The following ZNF215 variants were observed in gnomAD, a reference collection of about 807,000 sequenced individuals.
The protein encoded by ZNF215 is BWSCR2-associated zinc finger protein 2.
ZNF215 carries 24 observed loss-of-function variants against 27.2 expected under a neutral mutation model. That is an observed-to-expected ratio of 0.88 (90% CI 0.64 to 1.24). ZNF215 has a LOEUF of 1.24. ZNF215 is among the 50% of genes most tolerant of loss of function. The pLI is 0.00. For synonymous variants in ZNF215, 210 were observed against 204.0 expected (o/e 1.03, Z -0.25); for missense variants, 675 against 605.7 (o/e 1.11, Z -1.20).
At chr11:6,980,425 A>G (rs1850923829) in intron 5 of ZNF215, among the ~76,000 whole-genome samples, 1 of 152,082 alleles carries the variant, frequency 6.6e-6, no homozygotes, top group African/African-American at 2.4e-5. Flanking sequence ...ATCGTTTAAA[A>G]TACTTCAAAG....
chr11:6,953,963 C>T (rs1454632048), intron 6 of ZNF215, among the ~76,000 whole-genome samples: 1 of 152,160 alleles, frequency 6.6e-6, no homozygotes, highest in South Asian at 2.1e-4. Flanking sequence ...AGACAGGACC[C>T]TCAGCTGCAG....
At chr11:6,954,229 C>A (rs1389601764) in intron 6 of ZNF215, among the ~76,000 whole-genome samples, 1 of 152,212 alleles carries the variant, frequency 6.6e-6, no homozygotes, top group African/African-American at 2.4e-5. Context: ...TCTCAGATCT[C>A]CAGCTGCGTG....
At chr11:6,972,766 TA>T (rs963112094) in intron 5 of ZNF215, among the ~76,000 whole-genome samples, 7 of 152,306 alleles carry the variant, frequency 4.6e-5, no homozygotes, top group Non-Finnish European at 1.0e-4. Context: ...TATTTTCCTA[TA>T]AAATGATTAT....
chr11:6,950,141 T>TAGTA (rs1849995849), intron 6 of ZNF215, among the ~76,000 whole-genome samples: 1 of 151,122 alleles, frequency 6.6e-6, no homozygotes, highest in African/African-American at 2.4e-5. Flanking sequence ...TGTAGCCTTG[T>TAGTA]AGTATAGTTT....
intron 5 of ZNF215, among the ~76,000 whole-genome samples, chr11:6,972,174 C>T (rs755513217): frequency 1.4e-4 from 21 of 152,044 alleles, no homozygotes; most frequent in Non-Finnish European, 2.8e-4. Flanking sequence ...GACCAGGCAT[C>T]AGTAACCTTT....
At chr11:6,989,803 T>A (rs1851098313), downstream of ZNF215, among the ~76,000 whole-genome samples, 1 of 151,552 alleles carries the variant, frequency 6.6e-6, no homozygotes, top group Non-Finnish European at 1.5e-5. Flanking sequence ...TGTAACAAGG[T>A]TGTGAGTTAT....
At chr11:6,939,749 G>C (rs188477038) in intron 3 of ZNF215, among the ~76,000 whole-genome samples, 2 of 152,274 alleles carry the variant, frequency 1.3e-5, no homozygotes, top group East Asian at 3.9e-4. Flanking sequence ...GAAGAAGTAA[G>C]GGAAGAAAAG....
At chr11:6,967,101 G>C (rs563957096) in intron 5 of ZNF215, among the ~76,000 whole-genome samples, 2 of 152,064 alleles carry the variant, frequency 1.3e-5, no homozygotes, top group African/African-American at 4.8e-5. Flanking sequence ...GAGAATGATG[G>C]TTTTCAGCTT....
intron 5 of ZNF215, among the ~76,000 whole-genome samples, chr11:6,975,014 T>G (rs1325262104): frequency 1.3e-5 from 2 of 152,100 alleles, no homozygotes; most frequent in Non-Finnish European, 2.9e-5. Context: ...ATTCAGTATT[T>G]TATTGGCTGT....
At chr11:6,979,793 T>C (rs747700964) in intron 5 of ZNF215, among the ~76,000 whole-genome samples, 1 of 152,070 alleles carries the variant, frequency 6.6e-6, no homozygotes, top group Non-Finnish European at 1.5e-5. Context: ...TTATAAAGTA[T>C]TGACTAAGAA....
chr11:6,975,977 G>T (rs1286867269), intron 5 of ZNF215, among the ~76,000 whole-genome samples: 1 of 152,064 alleles, frequency 6.6e-6, no homozygotes, highest in Admixed American at 6.6e-5. Flanking sequence ...CAGTATACAA[G>T]GGTTCCCTTT....
intron 5 of ZNF215, among the ~76,000 whole-genome samples, chr11:6,976,069 T>C (rs1850828852): frequency 6.6e-6 from 1 of 152,082 alleles, no homozygotes. Context: ...GTCATTGTAG[T>C]TTTGATTTGC....
In ZNF215 at chr11:6,981,591, T is replaced by C. The variant is rs1319080601; in HGVS notation, c.806-2538T>C. Among the ~76,000 whole-genome samples, 5 of 152,036 alleles carry C rather than the reference T, an allele frequency of 3.3e-5. No homozygotes were observed. In the East Asian group the frequency reaches 9.7e-4, roughly 29 times the overall value. ...TCACTCTGATGGTAGTTTCTTTTGC[T>C]GTGCAGAAGCTCTTTAGTTTAATTA... On this transcript the variant is annotated intron_variant, in intron 5 of 5. Transcript: ENST00000529903.
rs566216656 is a variant in ZNF215, at chr11:6,941,607, G to C, written c.437G>C (p.Ser146Thr). Reference sequence around the variant, plus strand: ...AAGGACTCTGCCCTGCAGATGGGGAGCATCAAGGAGAAAATGAAAGCTGGC... The same window carrying C: ...AAGGACTCTGCCCTGCAGATGGGGACCATCAAGGAGAAAATGAAAGCTGGC... ...PCKDSALQMGSIKEKMKAGSR... is the reference protein window; with the variant it reads ...PCKDSALQMGTIKEKMKAGSR... The change falls in exon 4 of 7, where the codon AGC becomes ACC. Residue 146 changes from serine to threonine, a missense_variant. Physicochemically the swap from Ser to Thr is moderately conservative, Grantham distance 58. Transcript: ENST00000278319. The C allele has an allele frequency of 1.9e-6, 3 of 1,614,074 alleles. No individual in the cohort carries two copies. Among genetic ancestry groups the C allele is most frequent in the Non-Finnish European group, 2.5e-6 (3 of 1,179,946 alleles).
At chr11:6,941,440 A>C in intron 3 of ZNF215, 131 bp from the exon 4 acceptor site, 1 of 673,802 alleles carries the variant, frequency 1.5e-6, no homozygotes, top group African/African-American at 1.8e-5. Context: ...GATTGCTGGC[A>C]GGGCCTGACA....
intron 6 of ZNF215, 64 bp from the exon 7 acceptor site, chr11:6,955,626 C>T: frequency 2.6e-6 from 4 of 1,509,986 alleles, no homozygotes; most frequent in Non-Finnish European, 3.5e-6. Flanking sequence ...TTATACAGTT[C>T]AGCCTCCATT....
chr11:6,980,087 A>C lies in ZNF215; in HGVS notation c.806-4042A>C, dbSNP rs9943606. On this transcript the variant is annotated intron_variant, in intron 5 of 5. Coordinates refer to the ZNF215 transcript ENST00000529903. ...ATGATCGGTGGTTCAGGATCATATT[A>C]TTTTGGAAGAAGCATTAAGTTCCTT... Among the ~76,000 whole-genome samples, 1,152 of 152,236 alleles carry C rather than the reference A, an allele frequency of 7.6e-3. 18 individuals carry two copies. Among genetic ancestry groups the C allele is most frequent in the African/African-American group, 0.026 (1,079 of 41,570 alleles).
At chr11:6,947,958 G>C (rs1849881809) in intron 6 of ZNF215, among the ~76,000 whole-genome samples, 1 of 152,226 alleles carries the variant, frequency 6.6e-6, no homozygotes, top group Non-Finnish European at 1.5e-5. Flanking sequence ...GCTTCTCACA[G>C]CAAGGTGGCT....
downstream of ZNF215, among the ~76,000 whole-genome samples, chr11:6,991,638 A>G (rs1049383821): frequency 2.6e-5 from 4 of 152,348 alleles, no homozygotes; most frequent in Middle Eastern, 3.4e-3. Flanking sequence ...TTTGTAAGTA[A>G]ACTAAACAAT....
Sources: allele counts gnomAD v4.1 joint callset (sites outside exome capture counted in the v4.1 genomes callset), GRCh38; gene constraint gnomAD v4.1.1; transcripts MANE v1.5; gene names NCBI Gene and HGNC (gene_info 2026-07-23, HGNC 2026-07-21).